The following DOCK3 variants were observed in gnomAD, a reference collection of about 807,000 sequenced individuals.
DOCK3 encodes dedicator of cytokinesis protein 3.
A neutral mutation model predicts 265.6 loss-of-function variants in DOCK3; 60 were observed. The ratio of observed to expected loss-of-function variants is 0.23; its 90% CI spans 0.18 to 0.28. DOCK3 has a LOEUF of 0.28. DOCK3 is among the 10% of genes least tolerant of loss of function. The pLI is 1.00. For synonymous variants in DOCK3, 881 were observed against 938.0 expected, an observed-to-expected ratio of 0.94 and a Z score of 1.11; for missense variants, 1,981 against 2,594.3, an observed-to-expected ratio of 0.76 and a Z score of 5.14.
intron 22 of DOCK3, among the ~76,000 whole-genome samples, chr3:51,254,390 G>A (rs1253076922): frequency 1.3e-5 from 2 of 152,294 alleles, no homozygotes; most frequent in East Asian, 1.9e-4. Flanking sequence ...GGTCCACTTG[G>A]TGCAGAGCTG....
At chr3:50,819,688 A>G (rs1352220447) in intron 2 of DOCK3, among the ~76,000 whole-genome samples, 2 of 152,236 alleles carry the variant, frequency 1.3e-5, no homozygotes, top group Admixed American at 6.5e-5. Context: ...TGAGCCAGGC[A>G]CAGTGGCTCA....
At chr3:51,217,710 A>G (rs1214601322) in intron 14 of DOCK3, among the ~76,000 whole-genome samples, 1 of 152,182 alleles carries the variant, frequency 6.6e-6, no homozygotes, top group African/African-American at 2.4e-5. Flanking sequence ...TGTTCCAGGT[A>G]AACAAATGGA....
chr3:50,922,369 A>T (rs2050530322), intron 4 of DOCK3, among the ~76,000 whole-genome samples: 1 of 152,188 alleles, frequency 6.6e-6, no homozygotes, highest in African/African-American at 2.4e-5. Flanking sequence ...CATGGGATAT[A>T]ATCTCCTGGT....
In DOCK3 at chr3:51,359,863, C is replaced by G. The variant is rs1232979966; in HGVS notation, c.4885-648C>G. ...TTTGAAGGACGTGAGGAAACCTTAA[C>G]AGTTGTTTCCTCTGAGTTGTACACA... On this transcript the variant is annotated intron_variant, in intron 46 of 52. Coordinates refer to ENST00000266037, the MANE Select transcript of DOCK3 (RefSeq NM_004947.5). This position sits in a 1 kb window ranked among gnomAD's most constrained non-coding sequence, Gnocchi z 4.8. Among the ~76,000 whole-genome samples, 1 of 152,202 alleles carries G rather than the reference C, an allele frequency of 6.6e-6. No homozygotes were observed. The highest frequency in any genetic ancestry group is 1.5e-5 in the Non-Finnish European group (1 of 68,030).
chr3:51,253,069 T>TG (rs1464592800), intron 22 of DOCK3, among the ~76,000 whole-genome samples: 3 of 152,230 alleles, frequency 2.0e-5, no homozygotes, highest in African/African-American at 7.2e-5. Flanking sequence ...GTTTTTAGCG[T>TG]GAAGGGCTGT....
intron 9 of DOCK3, among the ~76,000 whole-genome samples, chr3:51,114,447 G>A (rs2083648207): frequency 2.6e-5 from 4 of 152,152 alleles, no homozygotes. Flanking sequence ...ACAATGATAG[G>A]ATTGGATATG....
At chr3:51,191,642 C>G (rs530436234) in intron 12 of DOCK3, among the ~76,000 whole-genome samples, 1 of 152,164 alleles carries the variant, frequency 6.6e-6, no homozygotes, top group East Asian at 2.0e-4. Context: ...CTTGCCACTT[C>G]TTTTAAAGGG....
At chr3:50,751,156 C>T (rs528817183) in intron 1 of DOCK3, among the ~76,000 whole-genome samples, 29 of 151,756 alleles carry the variant, frequency 1.9e-4, no homozygotes, top group South Asian at 2.1e-4. Context: ...TAGTATTAGG[C>T]GATAATAGGT....
chr3:50,697,480 A>C (rs1425841178), intron 1 of DOCK3, among the ~76,000 whole-genome samples: 2 of 152,062 alleles, frequency 1.3e-5, no homozygotes, highest in Non-Finnish European at 2.9e-5. Context: ...AATCCCAGCT[A>C]CTTGGGAGGC....
At chr3:51,329,097 G>A (rs1266320431) in intron 32 of DOCK3, among the ~76,000 whole-genome samples, 1 of 152,172 alleles carries the variant, frequency 6.6e-6, no homozygotes, top group Non-Finnish European at 1.5e-5. Context: ...AGGTTGCAGT[G>A]AGCCGAGATC....
At chr3:50,831,579 A>G (rs975201494) in intron 2 of DOCK3, among the ~76,000 whole-genome samples, 1 of 152,198 alleles carries the variant, frequency 6.6e-6, no homozygotes, top group African/African-American at 2.4e-5. Context: ...ATAGGGCTGC[A>G]TAGTATTCCA....
chr3:50,953,198 C>G (rs1454811890), intron 5 of DOCK3, among the ~76,000 whole-genome samples: 1 of 152,002 alleles, frequency 6.6e-6, no homozygotes, highest in Non-Finnish European at 1.5e-5. Flanking sequence ...AAGAAAAAGA[C>G]CCCAGTCTTA....
chr3:50,980,319 G>A (rs67445615), intron 5 of DOCK3, among the ~76,000 whole-genome samples: 14,490 of 152,156 alleles, frequency 0.095, 864 homozygotes, highest in Non-Finnish European at 0.12. Flanking sequence ...ATTTGACTAT[G>A]GCTTATTATC....
intron 9 of DOCK3, among the ~76,000 whole-genome samples, chr3:51,133,212 C>T (rs183084123): frequency 6.6e-6 from 1 of 151,982 alleles, no homozygotes; most frequent in Non-Finnish European, 1.5e-5. Context: ...ATGTGCACAA[C>T]GTGCAGGTTT....
At chr3:51,368,939 G>A (rs559030247) in intron 49 of DOCK3, among the ~76,000 whole-genome samples, 2 of 152,208 alleles carry the variant, frequency 1.3e-5, no homozygotes, top group Non-Finnish European at 2.9e-5. Flanking sequence ...GTCTGGAGTG[G>A]ACCTCCATCA....
intron 1 of DOCK3, among the ~76,000 whole-genome samples, chr3:50,700,696 G>A (rs544295944): frequency 6.6e-6 from 1 of 152,044 alleles, no homozygotes. Context: ...AGACACTTAG[G>A]TTGATTCCGT....
chr3:50,698,517 G>GTTTTTTTTTTTTTTTTTTTTTTTT lies in DOCK3; in HGVS notation c.37+23219_37+23242dup. Among the ~76,000 whole-genome samples the GTTTTTTTTTTTTTTTTTTTTTTTT allele has an allele frequency of 7.1e-3, 138 of 19,516 alleles. 59 individuals carry two copies. The highest frequency in any genetic ancestry group is 0.17 in the Middle Eastern group (2 of 12). The allele number at this position is 19,516 out of a possible 152,430, so 12.8% of individuals were successfully genotyped here. The stretch of plus-strand genomic sequence containing the variant: ...GTTTCTCTGTGGATGTATGTTTTTG[G>GTTTTTTTTTTTTTTTTTTTTTTTT]TTTTTTTTTTTTTTTTTTTTTTTTT... On this transcript the variant is annotated intron_variant, in intron 1 of 52. Coordinates refer to ENST00000266037, the MANE Select transcript of DOCK3 (RefSeq NM_004947.5).
At position 51,337,474 on chromosome 3, in the gene DOCK3, T is replaced by G. The variant is rs531387651; in HGVS notation, c.3612-885T>G. Among the ~76,000 whole-genome samples, 107 of 152,296 alleles carry G rather than the reference T, an allele frequency of 7.0e-4. 1 individual carries two copies. Among genetic ancestry groups the G allele is most frequent in the African/African-American group, 2.5e-3 (104 of 41,558 alleles). ...CTAGAAATCTGTATAAACCCCTTTC[T>G]GCAGCTTTTCCCCAGAGCTGCTAAT... On this transcript the variant is annotated intron_variant, in intron 35 of 52. Transcript: ENST00000266037.
chr3:51,156,337 G>T (rs1490953696), intron 10 of DOCK3, among the ~76,000 whole-genome samples: 1 of 152,176 alleles, frequency 6.6e-6, no homozygotes, highest in Non-Finnish European at 1.5e-5. Context: ...TAGTTAAGTA[G>T]GATTAGAGAG....
Sources: gnomAD v4.1 joint callset for allele counts (sites outside exome capture counted in the v4.1 genomes callset) on GRCh38, gnomAD v4.1.1 for gene constraint, Gnocchi (gnomAD v3.1) non-coding constraint, MANE v1.5 for transcripts, NCBI Gene and HGNC (gene_info 2026-07-23, HGNC 2026-07-21) for gene names.